Variants in COL25A1 observed in about 807,000 individuals in gnomAD.
COL25A1 encodes the protein collagen alpha-1(XXV) chain.
In COL25A1, 103 loss-of-function variants were observed where a neutral mutation model predicts 128.4. The observed-to-expected ratio is 0.80, with a 90% CI of 0.68 to 0.94. The LOEUF is 0.94. Ranked by LOEUF, COL25A1 falls within the 40% of genes least tolerant of loss-of-function variation. The pLI is 0.00. For missense variants in COL25A1, 745 were observed against 840.0 expected (o/e 0.89, Z 1.40); for synonymous variants, 279 against 277.2 (o/e 1.01, Z -0.06).
chr4:108,877,563 TCTC>T (rs1048822077), intron 19 of COL25A1, among the ~76,000 whole-genome samples: 4 of 151,980 alleles, frequency 2.6e-5, no homozygotes, highest in African/African-American at 7.3e-5. Context: ...TGAAGCCACT[TCTC>T]CTCAACTCCT....
At chr4:109,131,962 A>T (rs375094753) in intron 3 of COL25A1, among the ~76,000 whole-genome samples, 44 of 152,334 alleles carry the variant, frequency 2.9e-4, no homozygotes, top group African/African-American at 1.0e-3. Context: ...AACAGAAAGG[A>T]GCACCATTCT....
chr4:108,938,522 G>A (rs1365488721), intron 10 of COL25A1, among the ~76,000 whole-genome samples: 1 of 152,174 alleles, frequency 6.6e-6, no homozygotes, highest in Non-Finnish European at 1.5e-5. Context: ...AGGCTATGAT[G>A]TGCTATGACG....
At chr4:109,135,720 A>G (rs1259971462) in intron 3 of COL25A1, among the ~76,000 whole-genome samples, 1 of 152,194 alleles carries the variant, frequency 6.6e-6, no homozygotes, top group African/African-American at 2.4e-5. Flanking sequence ...ATTAAGTCAT[A>G]AAGTCATAAA....
At chr4:109,018,416 G>T (rs1003157408) in intron 5 of COL25A1, among the ~76,000 whole-genome samples, 2 of 152,078 alleles carry the variant, frequency 1.3e-5, no homozygotes, top group African/African-American at 4.8e-5. Context: ...TAGAGATGGG[G>T]TTTCACCATG....
intron 3 of COL25A1, among the ~76,000 whole-genome samples, chr4:109,219,984 G>A (rs1778300573): frequency 6.6e-6 from 1 of 152,042 alleles, no homozygotes; most frequent in African/African-American, 2.4e-5. Flanking sequence ...AAACCTATAT[G>A]TATTACTTGT....
Position 108,974,598 on chromosome 4 carries a change from A to C in COL25A1, c.439-39T>G, listed in dbSNP as rs1247875116. 2.0e-6 allele frequency: 3 copies of C among 1,514,306 alleles called. No homozygotes were observed. The Admixed American group carries it at 5.3e-5, about 27-fold the overall frequency. 93.8% of individuals were successfully genotyped at this position (1,514,306 alleles called of 1,614,324 possible). A position where few individuals can be genotyped will look rare whatever the true frequency, so the allele number is the denominator to read the frequency against. On this transcript the variant is annotated intron_variant, in intron 6 of 37. Coordinates refer to ENST00000399132, the MANE Select transcript of COL25A1 (RefSeq NM_198721.4). ...AGAGAAAAAAAATTTTAATTAAAAA[A>C]AGATATTGTAAACTGAATAGATCAG...
intron 8 of COL25A1, among the ~76,000 whole-genome samples, chr4:108,963,611 T>C (rs1469743406): frequency 1.3e-5 from 2 of 152,122 alleles, no homozygotes; most frequent in African/African-American, 4.8e-5. Context: ...ATCTTATATT[T>C]GGATTCAAGT....
At chr4:109,032,232 A>T (rs1359115962) in intron 5 of COL25A1, among the ~76,000 whole-genome samples, 1 of 152,162 alleles carries the variant, frequency 6.6e-6, no homozygotes, top group African/African-American at 2.4e-5. Context: ...TCCTGAGCCT[A>T]GGTTTTTAAC....
At chr4:109,098,763 C>G (rs1765629636) in intron 3 of COL25A1, among the ~76,000 whole-genome samples, 1 of 152,088 alleles carries the variant, frequency 6.6e-6, no homozygotes, top group Admixed American at 6.6e-5. Context: ...ACAAAATGAC[C>G]CCTATTCCCC....
chr4:109,019,051 C>T (rs1278043456), intron 5 of COL25A1, among the ~76,000 whole-genome samples: 2 of 151,930 alleles, frequency 1.3e-5, no homozygotes, highest in African/African-American at 4.8e-5. Context: ...GTGGGTGTTG[C>T]CAAAAGAGAA....
At chr4:108,828,848 C>G (rs969748225) in intron 32 of COL25A1, among the ~76,000 whole-genome samples, 2 of 152,120 alleles carry the variant, frequency 1.3e-5, no homozygotes, top group Non-Finnish European at 2.9e-5. Context: ...GATAACAGTG[C>G]CTGCAGAGCC....
chr4:109,067,837 T>C (rs1285967180), intron 3 of COL25A1, among the ~76,000 whole-genome samples: 2 of 152,232 alleles, frequency 1.3e-5, no homozygotes, highest in African/African-American at 4.8e-5. Context: ...AAATGAACAG[T>C]TTTCCCAATA....
intron 3 of COL25A1, among the ~76,000 whole-genome samples, chr4:109,145,065 AG>A (rs1363371947): frequency 1.5e-5 from 2 of 135,996 alleles, no homozygotes; most frequent in Admixed American, 8.2e-5. Flanking sequence ...CTAAAACCTC[AG>A]CTTTTTTTTT....
chr4:109,294,298 TC>T (rs1269563181), intron 3 of COL25A1, among the ~76,000 whole-genome samples: 1 of 152,124 alleles, frequency 6.6e-6, no homozygotes, highest in Admixed American at 6.5e-5. Flanking sequence ...CACAGAATAG[TC>T]ATTTGGAGGA....
At chr4:109,124,696 C>G (rs116988651) in intron 3 of COL25A1, among the ~76,000 whole-genome samples, 3,427 of 152,016 alleles carry the variant, frequency 0.023, 96 homozygotes, top group South Asian at 0.12. Context: ...CCATCTCTCA[C>G]CTTAAATTGT....
At chr4:108,884,814 C>CT (rs2125835969) in intron 18 of COL25A1, among the ~76,000 whole-genome samples, 2 of 152,316 alleles carry the variant, frequency 1.3e-5, no homozygotes, top group East Asian at 3.9e-4. Flanking sequence ...AGCAACCCTG[C>CT]TTAGCAGCTT....
intron 3 of COL25A1, among the ~76,000 whole-genome samples, chr4:109,263,910 G>C (rs914440092): frequency 6.6e-6 from 1 of 152,174 alleles, no homozygotes; most frequent in Non-Finnish European, 1.5e-5. Context: ...CTATAGACCA[G>C]GCACATGAGA....
chr4:109,112,450 T>G (rs990478314), intron 3 of COL25A1, among the ~76,000 whole-genome samples: 1 of 152,102 alleles, frequency 6.6e-6, no homozygotes, highest in Non-Finnish European at 1.5e-5. Context: ...TCCTCTTTGG[T>G]TAAGAATTAT....
intron 3 of COL25A1, among the ~76,000 whole-genome samples, chr4:109,115,189 C>T (rs1767420986): frequency 6.6e-6 from 1 of 151,852 alleles, no homozygotes; most frequent in South Asian, 2.1e-4. Context: ...AAAAAATAAC[C>T]CCACACTTGA....
Sources: gnomAD v4.1 joint callset for allele counts (sites outside exome capture counted in the v4.1 genomes callset) on GRCh38, gnomAD v4.1.1 for gene constraint, MANE v1.5 for transcripts, NCBI Gene and HGNC (gene_info 2026-07-23, HGNC 2026-07-21) for gene names.